The following MGA variants were observed in gnomAD, a reference collection of about 807,000 sequenced individuals.
MGA encodes MAX gene-associated protein.
MGA carries 40 observed loss-of-function variants against 261.1 expected under a neutral mutation model. The ratio of observed to expected loss-of-function variants is 0.15; its 90% confidence interval spans 0.12 to 0.20. The LOEUF is 0.20. Among genes scored for constraint, MGA ranks in the 10% least tolerant of loss-of-function variants. The pLI, the probability that MGA is intolerant of heterozygous loss-of-function variation, is 1.00. For missense variants in MGA, 3,397 were observed against 3,630.5 expected, an observed-to-expected ratio of 0.94 and a Z score of 1.65; for synonymous variants, 1,302 against 1,290.6, an observed-to-expected ratio of 1.01 and a Z score of -0.19.
chr15:41,656,345 T>C (rs1420078815), upstream of MGA, among the ~76,000 whole-genome samples: 1,720 of 13,930 alleles, frequency 0.12, 55 homozygotes, highest in African/African-American at 0.19. Context: ...TCTCCTCTCT[T>C]CTCTCTCTCT....
chr15:41,706,525 T>TA (rs1032463827), intron 5 of MGA, among the ~76,000 whole-genome samples: 7 of 151,828 alleles, frequency 4.6e-5, no homozygotes, highest in African/African-American at 9.7e-5. Context: ...ACTGGAAACT[T>TA]ACGCCTGTGA....
Position 41,742,642 on chromosome 15 carries a change from C to T in MGA, c.4682C>T (p.Thr1561Ile), listed in dbSNP as rs769653790. The change falls in exon 15 of 24, where the codon ACC (threonine) becomes ATC (isoleucine). Residue 1561 changes from threonine to isoleucine, a missense_variant. Physicochemically the swap from Thr to Ile is moderately conservative, Grantham distance 89. This residue lies in a region of MGA where 1,410 missense variants were observed against 1,386.4 expected (regional missense o/e 1.02). Coordinates refer to ENST00000219905, the MANE Select transcript of MGA (RefSeq NM_001164273.2). ...ATACCTGGAGTTAGCACACCCCAAACCCTGGCAGGGACACAGAAGTTCAGT... is the reference window on the plus strand; with the variant it reads ...ATACCTGGAGTTAGCACACCCCAAATCCTGGCAGGGACACAGAAGTTCAGT... 1.4e-5 allele frequency: 23 copies of T among 1,613,794 alleles called. No individual in the cohort carries two copies. The highest frequency in any genetic ancestry group is 1.7e-5 in the Non-Finnish European group (20 of 1,179,876).
At chr15:41,694,671 C>T (rs931612878) in intron 2 of MGA, among the ~76,000 whole-genome samples, 2 of 152,114 alleles carry the variant, frequency 1.3e-5, no homozygotes, top group East Asian at 1.9e-4. Flanking sequence ...GGACTACAGG[C>T]GCCCGCCACC....
chr15:41,644,885 G>C (rs1371683786), intron 1 of MGA, among the ~76,000 whole-genome samples: 2 of 152,118 alleles, frequency 1.3e-5, no homozygotes, highest in Non-Finnish European at 2.9e-5. Flanking sequence ...TTTCTGTAGA[G>C]GGCCACATAG....
intron 1 of MGA, among the ~76,000 whole-genome samples, chr15:41,652,023 G>T (rs1314013135): frequency 9.4e-6 from 1 of 105,966 alleles, no homozygotes; most frequent in Non-Finnish European, 1.8e-5. Context: ...CTGGAGTGCA[G>T]TGTGCGATGT....
At chr15:41,626,381 T>G (rs563472776) in intron 1 of MGA, among the ~76,000 whole-genome samples, 128 of 151,166 alleles carry the variant, frequency 8.5e-4, no homozygotes, top group Middle Eastern at 3.4e-3. Context: ...GCCTCCCAAG[T>G]AGCTGTGACT....
At chr15:41,648,841 A>T (rs533356825) in intron 1 of MGA, among the ~76,000 whole-genome samples, 1 of 152,124 alleles carries the variant, frequency 6.6e-6, no homozygotes, top group African/African-American at 2.4e-5. Context: ...GCATGAACTG[A>T]TTTATGTTTA....
intron 2 of MGA, among the ~76,000 whole-genome samples, chr15:41,670,537 G>A (rs929063770): frequency 6.6e-6 from 1 of 152,028 alleles, no homozygotes; most frequent in African/African-American, 2.4e-5. Context: ...ATGGAGTCTC[G>A]CTCTGTCGCC....
At chr15:41,725,507 G>A (rs1398781489) in intron 9 of MGA, among the ~76,000 whole-genome samples, 5 of 151,950 alleles carry the variant, frequency 3.3e-5, no homozygotes, top group Admixed American at 6.6e-5. Flanking sequence ...GCCACTACTT[G>A]GGCAACAGAG....
chr15:41,762,290 C>A lies in MGA; in HGVS notation c.7672C>A (p.Leu2558Ile). The A allele has an allele frequency of 6.2e-7, 1 of 1,613,798 alleles. No individual in the cohort carries two copies. Among genetic ancestry groups the A allele is most frequent in the South Asian group, 1.1e-5 (1 of 91,068 alleles). The change falls in exon 22 of 24, where the codon CTT becomes ATT. Residue 2558 changes from leucine (L) to isoleucine (I), a missense_variant. Leu to Ile is a conservative substitution (Grantham distance 5). Coordinates refer to ENST00000219905, the MANE Select transcript of MGA (RefSeq NM_001164273.2). ...AGGATCTTCTGCATCATCTGTAGAT[C>A]TTGGACAGATGTTTATAAATAACAG...
At position 41,734,535 on chromosome 15, in the gene MGA, A is replaced by G. The variant is rs370085023; in HGVS notation, c.3857A>G (p.Glu1286Gly). ...TGTCTCCTTCAGGAACCTGATTCTGAACAGCAGCCCTTAAAACAACTCACC... is the reference window on the plus strand; with the variant it reads ...TGTCTCCTTCAGGAACCTGATTCTGGACAGCAGCCCTTAAAACAACTCACC... The change falls in exon 12 of 24, where the codon GAA (glutamate) becomes GGA (glycine). Residue 1286 changes from glutamate (E) to glycine (G), a missense_variant. Around this residue, in one of 9 missense-constraint regions of MGA, gnomAD observed 1,410 missense variants for 1,386.4 expected, o/e 1.02. Transcript: ENST00000219905. 1.2e-5 allele frequency: 19 copies of G among 1,609,038 alleles called. No homozygotes were observed. In the African/African-American group the frequency reaches 2.5e-4, roughly 21 times the overall value.
rs2063958972 is a variant in MGA at position 41,769,821 on chromosome 15, T to C, written c.*2541T>C. 6.6e-6 allele frequency: 1 copy of C among 152,620 alleles called. No homozygotes were observed. The highest frequency in any genetic ancestry group is 2.4e-5 in the African/African-American group (1 of 41,462). 9.5% of individuals were successfully genotyped at this position (152,620 alleles called of 1,614,324 possible). A position where few individuals can be genotyped will look rare whatever the true frequency, so the allele number is the denominator to read the frequency against. ...TTTTCTTTTATATATTAAATATATATATCTTTCCTTTTCTGCTTTCGAAAA... is the reference window on the plus strand; with the variant it reads ...TTTTCTTTTATATATTAAATATATACATCTTTCCTTTTCTGCTTTCGAAAA... On this transcript the variant is annotated 3_prime_UTR_variant, in exon 24 of 24. Transcript: ENST00000219905.
chr15:41,756,522 C>G (rs1483974913), intron 18 of MGA, among the ~76,000 whole-genome samples: 1 of 152,094 alleles, frequency 6.6e-6, no homozygotes, highest in African/African-American at 2.4e-5. Flanking sequence ...GCATATCTTT[C>G]CTCTGCTCCT....
intron 20 of MGA, among the ~76,000 whole-genome samples, chr15:41,761,399 CA>C (rs1191282087): frequency 6.6e-6 from 1 of 152,126 alleles, no homozygotes; most frequent in African/African-American, 2.4e-5. Context: ...TTATTTCAAC[CA>C]GATTTTGGTT....
chr15:41,679,313 G>C (rs532214416), intron 2 of MGA, among the ~76,000 whole-genome samples: 2 of 152,160 alleles, frequency 1.3e-5, no homozygotes, highest in South Asian at 4.1e-4. Flanking sequence ...GGGATTACAG[G>C]GATTATAGGC....
Position 41,767,170 on chromosome 15 carries a change from T to G in MGA, c.9088T>G (p.Leu3030Val). The G allele has an allele frequency of 6.2e-7, 1 of 1,613,980 alleles. No individual in the cohort carries two copies. Among genetic ancestry groups the G allele is most frequent in the Non-Finnish European group, 8.5e-7 (1 of 1,179,860 alleles). Reference sequence around the variant, plus strand: ...TGGGTCAGTTGGACACAAAATGAACTTAACAGGGAATGACCAGGAAGGCCG... The same window carrying G: ...TGGGTCAGTTGGACACAAAATGAACGTAACAGGGAATGACCAGGAAGGCCG... The change falls in exon 24 of 24, where the codon TTA (leucine) becomes GTA (valine). Residue 3030 changes from leucine to valine, a missense_variant. By Grantham distance (32) the Leu-to-Val change is conservative. Coordinates refer to ENST00000219905, the MANE Select transcript of MGA (RefSeq NM_001164273.2).
chr15:41,739,685 C>T (rs900304668), intron 13 of MGA, among the ~76,000 whole-genome samples: 23 of 152,126 alleles, frequency 1.5e-4, no homozygotes, highest in African/African-American at 5.3e-4. Flanking sequence ...TTTCAAACTA[C>T]AATATGAAGG....
intron 1 of MGA, among the ~76,000 whole-genome samples, chr15:41,660,768 C>A (rs757935474): frequency 6.6e-6 from 1 of 152,192 alleles, no homozygotes; most frequent in South Asian, 2.1e-4. Flanking sequence ...GCTCAGCTAC[C>A]TAACTGGGAA....
intron 9 of MGA, among the ~76,000 whole-genome samples, chr15:41,721,773 G>A (rs2060952097): frequency 6.6e-6 from 1 of 152,158 alleles, no homozygotes; most frequent in Non-Finnish European, 1.5e-5. Flanking sequence ...ATAAATAGGT[G>A]TAACCGCTTT....
Sources: gnomAD v4.1 joint callset for allele counts (sites outside exome capture counted in the v4.1 genomes callset) on GRCh38, gnomAD v4.1.1 for gene constraint, gnomAD v4.1.1 regional missense constraint, MANE v1.5 for transcripts, NCBI Gene and HGNC (gene_info 2026-07-23, HGNC 2026-07-21) for gene names.